Variants in KCNH8 observed in about 807,000 individuals in gnomAD.
The protein encoded by KCNH8 is potassium voltage-gated channel subfamily H member 8, also known as voltage-gated delayed rectifier potassium channel KCNH8.
A neutral mutation model predicts 103.6 loss-of-function variants in KCNH8; 70 were observed. That is an observed-to-expected ratio of 0.68 (90% CI 0.56 to 0.82). KCNH8 has a LOEUF of 0.82. Ranked by LOEUF, KCNH8 falls within the 40% of genes least tolerant of loss-of-function variation. The pLI is 0.00. For missense variants in KCNH8, 1,217 were observed against 1,329.9 expected, an observed-to-expected ratio of 0.92 and a Z score of 1.32; for synonymous variants, 498 against 489.4, an observed-to-expected ratio of 1.02 and a Z score of -0.23.
At chr3:19,500,198 T>C (rs887757508) in intron 11 of KCNH8, among the ~76,000 whole-genome samples, 9 of 152,298 alleles carry the variant, frequency 5.9e-5, no homozygotes, top group Admixed American at 1.3e-4. Context: ...AAGAACGCCA[T>C]TACTTAATGG....
rs116897426 is a variant in KCNH8 at position 19,273,124 on chromosome 3, C to T, written c.311-8074C>T. Among the ~76,000 whole-genome samples, 37 of 152,278 alleles carry T rather than the reference C, an allele frequency of 2.4e-4. No homozygotes were observed. In the East Asian group the frequency reaches 3.9e-3, roughly 16 times the overall value. On this transcript the variant is annotated intron_variant, in intron 2 of 15. Transcript: ENST00000328405. ...CATAACAATGTTGAGTTCATACAGACGTTATGTTTATTGGAACCAACAATT... is the reference window on the plus strand; with the variant it reads ...CATAACAATGTTGAGTTCATACAGATGTTATGTTTATTGGAACCAACAATT...
At chr3:19,245,043 T>A (rs1298694080) in intron 1 of KCNH8, among the ~76,000 whole-genome samples, 1 of 152,158 alleles carries the variant, frequency 6.6e-6, no homozygotes, top group African/African-American at 2.4e-5. Flanking sequence ...AGGCCAATAT[T>A]GAGAAGGCTA....
intron 9 of KCNH8, chr3:19,450,869 A>C: frequency 2.6e-6 from 1 of 381,732 alleles, no homozygotes; most frequent in South Asian, 2.9e-5. Context: ...CCTGACTAGG[A>C]CTCTCTGTGA....
rs140300434 is a variant in KCNH8, at chr3:19,287,864, G to A, written c.442+6535G>A. Among the ~76,000 whole-genome samples, 807 of 152,248 alleles carry A rather than the reference G, an allele frequency of 5.3e-3. 5 individuals carry two copies. The highest frequency in any genetic ancestry group is 0.017 in the African/African-American group (687 of 41,542). ...CTCCTGAAGTGTTAGGATTACAGGCGTAAGCCACCATGCCCAGCCCCACAT... is the reference window on the plus strand; with the variant it reads ...CTCCTGAAGTGTTAGGATTACAGGCATAAGCCACCATGCCCAGCCCCACAT... On this transcript the variant is annotated intron_variant, in intron 3 of 15. Transcript: ENST00000328405.
intron 15 of KCNH8, among the ~76,000 whole-genome samples, chr3:19,524,427 G>A (rs1364727801): frequency 1.3e-5 from 2 of 151,824 alleles, no homozygotes; most frequent in Non-Finnish European, 2.9e-5. Flanking sequence ...ACGTTTTGTG[G>A]ACATAGGCTT....
intron 1 of KCNH8, among the ~76,000 whole-genome samples, chr3:19,244,974 T>C (rs1408521032): frequency 1.3e-5 from 2 of 152,188 alleles, no homozygotes; most frequent in Non-Finnish European, 2.9e-5. Context: ...ACATCCCACT[T>C]GTCAGTTTTT....
intron 5 of KCNH8, among the ~76,000 whole-genome samples, chr3:19,348,749 T>C (rs1251447691): frequency 6.6e-6 from 1 of 152,026 alleles, no homozygotes; most frequent in African/African-American, 2.4e-5. Flanking sequence ...TAGAGGGCTA[T>C]ATTCTTACTG....
At chr3:19,488,619 C>A (rs2068259229) in intron 11 of KCNH8, among the ~76,000 whole-genome samples, 1 of 152,144 alleles carries the variant, frequency 6.6e-6, no homozygotes, top group African/African-American at 2.4e-5. Context: ...ACCTCAGAGA[C>A]CTTATTTAAA....
chr3:19,170,787 C>CAT lies in KCNH8; in HGVS notation c.76+21993_76+21994insTA, dbSNP rs1304235059. On this transcript the variant is annotated intron_variant, in intron 1 of 15. Coordinates refer to ENST00000328405, the MANE Select transcript of KCNH8 (RefSeq NM_144633.3). ...ACACATATATATACACACACACACA[C>CAT]ACATATATATATATATATATATATT... Among the ~76,000 whole-genome samples the CAT allele has an allele frequency of 9.0e-5, 10 of 111,694 alleles. 1 individual carries two copies. The highest frequency in any genetic ancestry group is 1.8e-4 in the Admixed American group (2 of 11,006). 73.3% of individuals were successfully genotyped at this position (111,694 alleles called of 152,430 possible).
At chr3:19,334,961 T>C (rs2065561982) in intron 3 of KCNH8, among the ~76,000 whole-genome samples, 1 of 152,020 alleles carries the variant, frequency 6.6e-6, no homozygotes, top group African/African-American at 2.4e-5. Context: ...ATTCTTGGTA[T>C]TGAAGCTAAT....
intron 7 of KCNH8, among the ~76,000 whole-genome samples, chr3:19,424,614 A>C (rs1441198270): frequency 6.6e-6 from 1 of 152,100 alleles, no homozygotes; most frequent in Non-Finnish European, 1.5e-5. Context: ...AATAGATTAG[A>C]CCTCATTAAA....
chr3:19,331,285 A>AT (rs1336581702), intron 3 of KCNH8, among the ~76,000 whole-genome samples: 4 of 139,782 alleles, frequency 2.9e-5, no homozygotes, highest in African/African-American at 1.1e-4. Context: ...TTATTTATTT[A>AT]TTGTTGTTAT....
At chr3:19,169,559 CTCTTT>C (rs911876254) in intron 1 of KCNH8, among the ~76,000 whole-genome samples, 2 of 152,108 alleles carry the variant, frequency 1.3e-5, no homozygotes, top group African/African-American at 4.8e-5. Flanking sequence ...CCTAGTCTCA[CTCTTT>C]TCTAACATTG....
At chr3:19,392,400 T>C (rs2066452227) in intron 6 of KCNH8, among the ~76,000 whole-genome samples, 1 of 151,326 alleles carries the variant, frequency 6.6e-6, no homozygotes, top group East Asian at 1.9e-4. Context: ...GGAGTGAGCA[T>C]ATGAGAATTT....
chr3:19,357,308 C>T (rs2065892596), intron 5 of KCNH8, among the ~76,000 whole-genome samples: 1 of 150,438 alleles, frequency 6.6e-6, no homozygotes, highest in East Asian at 2.0e-4. Context: ...TTTGAAACCA[C>T]TGCAGCTGTC....
intron 3 of KCNH8, among the ~76,000 whole-genome samples, chr3:19,284,243 A>G (rs941177877): frequency 2.6e-5 from 4 of 152,142 alleles, no homozygotes; most frequent in Non-Finnish European, 4.4e-5. Flanking sequence ...GTTCATGTTA[A>G]TTAAATTAAT....
chr3:19,154,410 A>T (rs2063160400), intron 1 of KCNH8, among the ~76,000 whole-genome samples: 1 of 152,174 alleles, frequency 6.6e-6, no homozygotes, highest in Non-Finnish European at 1.5e-5. Context: ...ATAATAAGCC[A>T]TTGGAAGTGA....
chr3:19,428,978 G>T (rs1017195676), intron 7 of KCNH8, among the ~76,000 whole-genome samples: 4 of 151,682 alleles, frequency 2.6e-5, no homozygotes, highest in African/African-American at 7.3e-5. Flanking sequence ...CCCCCTTTAG[G>T]TCTCTCTCAG....
chr3:19,411,124 A>AT (rs1371072576), intron 7 of KCNH8, among the ~76,000 whole-genome samples: 1 of 152,044 alleles, frequency 6.6e-6, no homozygotes, highest in Non-Finnish European at 1.5e-5. Context: ...TCAACAAAAT[A>AT]TAGCAAACCA....
Sources: gnomAD v4.1 joint callset for allele counts (sites outside exome capture counted in the v4.1 genomes callset) on GRCh38, gnomAD v4.1.1 for gene constraint, MANE v1.5 for transcripts, NCBI Gene and HGNC (gene_info 2026-07-23, HGNC 2026-07-21) for gene names.